The following NDUFAF2 variants were observed in gnomAD, a reference collection of about 807,000 sequenced individuals.
NDUFAF2 encodes NADH:ubiquinone oxidoreductase complex assembly factor 2, also known as NADH dehydrogenase [ubiquinone] 1 alpha subcomplex assembly factor 2.
In NDUFAF2, 13 loss-of-function variants were observed where a neutral mutation model predicts 22.8. The ratio of observed to expected loss-of-function variants is 0.57; its 90% CI spans 0.37 to 0.91. NDUFAF2 has a LOEUF of 0.91. Ranked by LOEUF, NDUFAF2 falls within the 40% of genes least tolerant of loss-of-function variation. The probability of loss-of-function intolerance (pLI) is 0.01; values close to 1 mark genes in which losing one functional copy is unlikely to be tolerated. For missense variants in NDUFAF2, 162 were observed against 195.2 expected (o/e 0.83, Z 1.01); for synonymous variants, 53 against 64.2 (o/e 0.83, Z 0.84).
chr5:61,015,983 C>T (rs1339116892), intron 1 of NDUFAF2, among the ~76,000 whole-genome samples: 1 of 151,924 alleles, frequency 6.6e-6, no homozygotes, highest in Non-Finnish European at 1.5e-5. Context: ...GTCAAGAGAT[C>T]GAGACCATCC....
chr5:61,120,854 T>A (rs1561571281), intron 3 of NDUFAF2, among the ~76,000 whole-genome samples: 1 of 152,124 alleles, frequency 6.6e-6, no homozygotes, highest in South Asian at 2.1e-4. Context: ...TTATTTTTTT[T>A]ATCCATACAT....
intron 1 of NDUFAF2, among the ~76,000 whole-genome samples, chr5:60,948,202 A>G (rs961770829): frequency 3.9e-5 from 6 of 152,030 alleles, no homozygotes; most frequent in African/African-American, 1.4e-4. Context: ...TGTATTTTTT[A>G]TAATTTTTAT....
At chr5:61,133,923 A>G (rs1044098857) in intron 3 of NDUFAF2, among the ~76,000 whole-genome samples, 2 of 152,252 alleles carry the variant, frequency 1.3e-5, no homozygotes, top group African/African-American at 4.8e-5. Flanking sequence ...TGCCCTAGCA[A>G]TCTAAGTTCT....
At chr5:61,037,982 A>G (rs906360914) in intron 1 of NDUFAF2, among the ~76,000 whole-genome samples, 2 of 147,882 alleles carry the variant, frequency 1.4e-5, no homozygotes, top group African/African-American at 5.0e-5. Context: ...TCTGAGGGCC[A>G]TTAGGAAAGA....
chr5:61,092,049 A>G (rs950320761), intron 2 of NDUFAF2, among the ~76,000 whole-genome samples: 2 of 151,982 alleles, frequency 1.3e-5, no homozygotes, highest in African/African-American at 2.4e-5. Flanking sequence ...TCATTGGTCT[A>G]TGTGTCTGTT....
intron 2 of NDUFAF2, among the ~76,000 whole-genome samples, chr5:61,091,996 A>C (rs1752575280): frequency 6.6e-6 from 1 of 152,048 alleles, no homozygotes; most frequent in Non-Finnish European, 1.5e-5. Context: ...TTGATCAGAT[A>C]GCTGTAGGTG....
chr5:61,084,963 AT>A (rs1752489074), intron 2 of NDUFAF2, among the ~76,000 whole-genome samples: 2 of 152,070 alleles, frequency 1.3e-5, no homozygotes, highest in Admixed American at 1.3e-4. Flanking sequence ...TAAAATGCAC[AT>A]TTTTTTCCAT....
At position 61,144,772 on chromosome 5, in the gene NDUFAF2, T is replaced by C. The variant is rs144934851; in HGVS notation, c.259-7932T>C. On this transcript the variant is annotated intron_variant, in intron 3 of 3. Coordinates refer to ENST00000296597, the MANE Select transcript of NDUFAF2 (RefSeq NM_174889.5). ...TCAGCTCTTAGCCTTCCCTCAGATA[T>C]TAGAGTGCATTTCCAAAGCCCAGGT... Among the ~76,000 whole-genome samples, 179 of 152,316 alleles carry C rather than the reference T, an allele frequency of 1.2e-3. 2 individuals carry two copies. The highest frequency in any genetic ancestry group is 2.0e-3 in the Non-Finnish European group (135 of 68,008).
At chr5:61,041,676 A>G (rs1580109046) in intron 1 of NDUFAF2, among the ~76,000 whole-genome samples, 1 of 152,216 alleles carries the variant, frequency 6.6e-6, no homozygotes, top group South Asian at 2.1e-4. Flanking sequence ...AATAAGCATC[A>G]CTTGTAATGG....
intron 1 of NDUFAF2, among the ~76,000 whole-genome samples, chr5:60,982,699 T>C (rs1397501338): frequency 1.3e-5 from 2 of 151,904 alleles, no homozygotes; most frequent in African/African-American, 2.4e-5. Flanking sequence ...GGTTTCCAGC[T>C]TCGTCCATGT....
At chr5:60,998,295 A>T (rs1751253307) in intron 1 of NDUFAF2, among the ~76,000 whole-genome samples, 1 of 152,160 alleles carries the variant, frequency 6.6e-6, no homozygotes, top group South Asian at 2.1e-4. Flanking sequence ...TCTTCTTTCT[A>T]GAATGTATTA....
At chr5:60,952,691 CAGTT>C (rs1317529124) in intron 1 of NDUFAF2, among the ~76,000 whole-genome samples, 19 of 152,036 alleles carry the variant, frequency 1.2e-4, no homozygotes, top group Non-Finnish European at 2.6e-4. Context: ...CTGTAAATGT[CAGTT>C]AGCCCAAGCT....
chr5:60,956,202 C>G (rs953659203), intron 1 of NDUFAF2, among the ~76,000 whole-genome samples: 1 of 151,986 alleles, frequency 6.6e-6, no homozygotes, highest in Non-Finnish European at 1.5e-5. Context: ...TGCCTGGCCT[C>G]TATGTTGACT....
chr5:60,977,266 A>G (rs1312676952), intron 1 of NDUFAF2, among the ~76,000 whole-genome samples: 2 of 151,884 alleles, frequency 1.3e-5, no homozygotes, highest in African/African-American at 4.8e-5. Context: ...CATCTCTACA[A>G]AAAATACAAA....
chr5:61,017,742 G>GTATT (rs923023627), intron 1 of NDUFAF2, among the ~76,000 whole-genome samples: 1 of 149,836 alleles, frequency 6.7e-6, no homozygotes, highest in African/African-American at 2.4e-5. Flanking sequence ...CTGTCTCTTT[G>GTATT]TATTTATTTA....
At chr5:61,139,894 C>A (rs1048412052) in intron 3 of NDUFAF2, among the ~76,000 whole-genome samples, 7 of 152,222 alleles carry the variant, frequency 4.6e-5, no homozygotes, top group African/African-American at 1.4e-4. Flanking sequence ...ATAAAAGGCT[C>A]CTGACTCAGC....
chr5:61,013,297 A>G (rs1032801217), intron 1 of NDUFAF2, among the ~76,000 whole-genome samples: 1 of 152,092 alleles, frequency 6.6e-6, no homozygotes, highest in African/African-American at 2.4e-5. Flanking sequence ...TTTTTTTTCA[A>G]CACTTAATTT....
intron 2 of NDUFAF2, among the ~76,000 whole-genome samples, chr5:61,082,662 G>T (rs1299642586): frequency 6.6e-6 from 1 of 152,024 alleles, no homozygotes; most frequent in Non-Finnish European, 1.5e-5. Flanking sequence ...TCAGATTATG[G>T]CCTCCTGATG....
At chr5:60,990,860 T>C (rs1354940934) in intron 1 of NDUFAF2, among the ~76,000 whole-genome samples, 2 of 152,186 alleles carry the variant, frequency 1.3e-5, no homozygotes, top group African/African-American at 4.8e-5. Context: ...CTCCCAGATA[T>C]GGATTGTCAA....
Sources: gnomAD v4.1 joint callset for allele counts (sites outside exome capture counted in the v4.1 genomes callset) on GRCh38, gnomAD v4.1.1 for gene constraint, MANE v1.5 for transcripts, NCBI Gene and HGNC (gene_info 2026-07-23, HGNC 2026-07-21) for gene names.